The following AHDC1 variants were observed in gnomAD, a reference collection of about 807,000 sequenced individuals.
The protein encoded by AHDC1 is transcription factor Gibbin.
Under a neutral mutation model 87.9 loss-of-function variants are expected in AHDC1, and 7 were observed. That is an observed-to-expected ratio of 0.08 (90% confidence interval 0.05 to 0.15). The LOEUF is 0.15. Among genes scored for constraint, AHDC1 ranks in the 10% least tolerant of loss-of-function variants. The probability of loss-of-function intolerance (pLI) is 1.00; values close to 1 mark genes in which losing one functional copy is unlikely to be tolerated. For missense variants in AHDC1, 1,841 were observed against 2,253.2 expected (o/e 0.82, Z 3.70); for synonymous variants, 1,051 against 1,006.8 (o/e 1.04, Z -0.83).
intron 3 of AHDC1, among the ~76,000 whole-genome samples, chr1:27,601,976 A>G (rs376645558): frequency 1.3e-5 from 2 of 152,028 alleles, no homozygotes; most frequent in Non-Finnish European, 2.9e-5. Context: ...CCTGACACCA[A>G]CTGGTCCGGC....
chr1:27,549,161 C>T lies in AHDC1; in HGVS notation c.2955G>A (p.Lys985=). Residue 985 remains lysine (K), a synonymous_variant, in exon 8 of 9, where the codon AAG becomes AAA. Coordinates refer to ENST00000673934, the MANE Select transcript of AHDC1 (RefSeq NM_001371928.1). ...GAGQSVFAPT[K]PFTGQDCANS... ...TAGCGCAGTCCTGGCCTGTAAAGGG[C>T]TTAGTTGGGGCGAATACGCTTTGTC... 6.4e-7 allele frequency: 1 copy of T among 1,569,574 alleles called. No homozygotes were observed. The highest frequency in any genetic ancestry group is 1.3e-5 in the African/African-American group (1 of 74,286).
At chr1:27,594,424 C>A (rs1020501575) in intron 3 of AHDC1, among the ~76,000 whole-genome samples, 4 of 152,196 alleles carry the variant, frequency 2.6e-5, no homozygotes, top group African/African-American at 7.2e-5. Flanking sequence ...CATGCCAGAG[C>A]CAGGGCAGGG....
chr1:27,555,111 G>A (rs1212059652), intron 5 of AHDC1, among the ~76,000 whole-genome samples: 1 of 152,216 alleles, frequency 6.6e-6, no homozygotes, highest in Non-Finnish European at 1.5e-5. Flanking sequence ...ATTTAAGGCT[G>A]GGAGGAACCT....
Position 27,548,763 on chromosome 1 carries a change from T to G in AHDC1, c.3353A>C (p.Asp1118Ala). Residue 1118 changes from aspartate to alanine, a missense_variant, in exon 8 of 9, where the codon GAC becomes GCC. Around this residue, in one of 13 missense-constraint regions of AHDC1, gnomAD observed 378 missense variants for 399.0 expected, o/e 0.95. Coordinates refer to ENST00000673934, the MANE Select transcript of AHDC1 (RefSeq NM_001371928.1). ...WPFRQGYGGL[D>A]WASEAFSQLY... ...CTGACTAAAGGCCTCTGAGGCCCAGTCCAGGCCTCCATAGCCCTGCCGGAA... is the reference window on the plus strand; with the variant it reads ...CTGACTAAAGGCCTCTGAGGCCCAGGCCAGGCCTCCATAGCCCTGCCGGAA... 1.2e-6 allele frequency: 2 copies of G among 1,613,116 alleles called. No individual in the cohort carries two copies. Among genetic ancestry groups the G allele is most frequent in the Non-Finnish European group, 1.7e-6 (2 of 1,180,022 alleles).
intron 3 of AHDC1, among the ~76,000 whole-genome samples, chr1:27,576,840 CT>C (rs2088766838): frequency 6.6e-6 from 1 of 152,196 alleles, no homozygotes; most frequent in Non-Finnish European, 1.5e-5. Flanking sequence ...GTGGAGGCTG[CT>C]TTTGGGCATG....
chr1:27,580,925 C>T lies in AHDC1; in HGVS notation c.-628-22042G>A, dbSNP rs186557649. Among the ~76,000 whole-genome samples the T allele has an allele frequency of 8.5e-3, 1,288 of 152,140 alleles. 56 individuals carry two copies. The highest frequency in any genetic ancestry group is 0.071 in the Admixed American group (1,082 of 15,278). On this transcript the variant is annotated intron_variant, in intron 3 of 8. Transcript: ENST00000673934. The stretch of plus-strand genomic sequence containing the variant: ...TCTCAGCTCATTGCAACCTCCGCCT[C>T]CCGGGTTCAAGCGATTCTCCTGCCT...
chr1:27,568,610 G>A (rs992397824), intron 3 of AHDC1, among the ~76,000 whole-genome samples: 1 of 152,040 alleles, frequency 6.6e-6, no homozygotes, highest in Non-Finnish European at 1.5e-5. Context: ...CGCGGGCCGG[G>A]CTCCCGGAGA....
At position 27,590,594 on chromosome 1, in the gene AHDC1, AG is replaced by A. The variant is rs889775362; in HGVS notation, c.-629+12802del. Among the ~76,000 whole-genome samples, 1 of 151,500 alleles carries A rather than the reference AG, an allele frequency of 6.6e-6. No homozygotes were observed. Among genetic ancestry groups the A allele is most frequent in the African/African-American group, 2.4e-5 (1 of 41,120 alleles). On this transcript the variant is annotated intron_variant, in intron 3 of 8. Coordinates refer to ENST00000673934, the MANE Select transcript of AHDC1 (RefSeq NM_001371928.1). This position sits in a 1 kb window ranked among gnomAD's most constrained non-coding sequence, Gnocchi z 5.4. ...GCTTCTCTCAGACTTGGGGGGTCTG[AG>A]GACAAGGCTGTGTGTCCTGCATCTG...
At chr1:27,576,599 A>T (rs1014660847) in intron 3 of AHDC1, among the ~76,000 whole-genome samples, 8 of 152,212 alleles carry the variant, frequency 5.3e-5, no homozygotes, top group African/African-American at 1.9e-4. Context: ...AAAGTCAGAA[A>T]AACTCTGGTT....
chr1:27,559,270 G>T (rs974176050), intron 3 of AHDC1, among the ~76,000 whole-genome samples: 1 of 151,672 alleles, frequency 6.6e-6, no homozygotes, highest in Non-Finnish European at 1.5e-5. Context: ...TGCCCAGGCT[G>T]GTCTCGAACT....
chr1:27,594,035 C>G (rs1178720506), intron 3 of AHDC1, among the ~76,000 whole-genome samples: 4 of 152,142 alleles, frequency 2.6e-5, no homozygotes, highest in Admixed American at 6.5e-5. Flanking sequence ...CCAGAGCCCC[C>G]CTATCTCCCC....
chr1:27,599,584 G>A (rs2089474917), intron 3 of AHDC1, among the ~76,000 whole-genome samples: 1 of 152,196 alleles, frequency 6.6e-6, no homozygotes, highest in Admixed American at 6.5e-5. Context: ...CTGAGCAAGT[G>A]GCTCCTCTCC....
Position 27,560,197 on chromosome 1 carries a change from G to T in AHDC1, c.-628-1314C>A, listed in dbSNP as rs928287822. ...GCACTTTTCACGTTTATTTCTATTC[G>T]TTTTGTGTGTGTGTGTGTGTGTGTG... On this transcript the variant is annotated intron_variant, in intron 3 of 8. Coordinates refer to ENST00000673934, the MANE Select transcript of AHDC1 (RefSeq NM_001371928.1). This position sits in a 1 kb window ranked among gnomAD's most constrained non-coding sequence, Gnocchi z 4.1. Among the ~76,000 whole-genome samples, 1 of 66,884 alleles carries T rather than the reference G, an allele frequency of 1.5e-5. No individual in the cohort carries two copies. Among genetic ancestry groups the T allele is most frequent in the African/African-American group, 4.9e-5 (1 of 20,582 alleles). 43.9% of individuals were successfully genotyped at this position (66,884 alleles called of 152,430 possible). A position where few individuals can be genotyped will look rare whatever the true frequency, so the allele number is the denominator to read the frequency against.
At position 27,548,743 on chromosome 1, in the gene AHDC1, T is replaced by G; in HGVS notation, c.3373A>C (p.Ser1125Arg). ...GGLDWASEAF[S>R]QLYNPSFDCH... ...TCAAAACTGGGATTGTAGAGCTGAC[T>G]AAAGGCCTCTGAGGCCCAGTCCAGG... Residue 1125 changes from serine (S) to arginine (R), a missense_variant, in exon 8 of 9, where the codon AGT (serine) becomes CGT (arginine). Ser to Arg is a moderately radical substitution (Grantham distance 110). Around this residue, in one of 13 missense-constraint regions of AHDC1, gnomAD observed 378 missense variants for 399.0 expected, o/e 0.95. Coordinates refer to ENST00000673934, the MANE Select transcript of AHDC1 (RefSeq NM_001371928.1). 6.2e-7 allele frequency: 1 copy of G among 1,613,232 alleles called. No homozygotes were observed. The highest frequency in any genetic ancestry group is 8.5e-7 in the Non-Finnish European group (1 of 1,180,036).
chr1:27,548,095 A>C lies in AHDC1; in HGVS notation c.4021T>G (p.Cys1341Gly), dbSNP rs111941243. The C allele has an allele frequency of 3.2e-4, 524 of 1,613,924 alleles. 5 individuals carry two copies. The African/African-American group carries it at 5.5e-3, about 17-fold the overall frequency. ...RAFGVGERDPCDFIGPYSMNP... is the reference protein window; with the variant it reads ...RAFGVGERDPGDFIGPYSMNP... ...ATGGAGTAGGGTCCTATGAAGTCAC[A>C]GGGGTCTCGCTCTCCCACGCCGAAG... The change falls in exon 8 of 9, where the codon TGT (cysteine) becomes GGT (glycine). Residue 1341 changes from cysteine to glycine, a missense_variant. By Grantham distance (159) the Cys-to-Gly change is radical. Coordinates refer to ENST00000673934, the MANE Select transcript of AHDC1 (RefSeq NM_001371928.1).
At position 27,549,279 on chromosome 1, in the gene AHDC1, T is replaced by C. The variant is rs2019380749; in HGVS notation, c.2837A>G (p.Lys946Arg). The change falls in exon 8 of 9, where the codon AAG becomes AGG. Residue 946 changes from lysine (K) to arginine (R), a missense_variant. Physicochemically the swap from Lys to Arg is conservative, Grantham distance 26 (BLOSUM62 2). Transcript: ENST00000673934. ...CATGGCTGAGGGCGGGGGCACCAGCTTGGGGAAGGTCTCGGCTGCCCGGCA... is the reference window on the plus strand; with the variant it reads ...CATGGCTGAGGGCGGGGGCACCAGCCTGGGGAAGGTCTCGGCTGCCCGGCA... ...SDCRAAETFP[K>R]LVPPPSAMAR... 1 of 1,603,470 alleles carries C rather than the reference T, an allele frequency of 6.2e-7. No homozygotes were observed. The highest frequency in any genetic ancestry group is 8.5e-7 in the Non-Finnish European group (1 of 1,172,834).
In AHDC1 at chr1:27,565,009, C is replaced by T. The variant is rs2020257483; in HGVS notation, c.-628-6126G>A. Among the ~76,000 whole-genome samples, 1 of 152,168 alleles carries T rather than the reference C, an allele frequency of 6.6e-6. No homozygotes were observed. Among genetic ancestry groups the T allele is most frequent in the Non-Finnish European group, 1.5e-5 (1 of 68,012 alleles). Reference sequence around the variant, plus strand: ...CACGGACAGCCTCAGAGCAGAGTCCCCCTAGCCCCTGGGGGTGGCTGGAGC... The same window carrying T: ...CACGGACAGCCTCAGAGCAGAGTCCTCCTAGCCCCTGGGGGTGGCTGGAGC... On this transcript the variant is annotated intron_variant, in intron 3 of 8. Coordinates refer to ENST00000673934, the MANE Select transcript of AHDC1 (RefSeq NM_001371928.1). The surrounding 1 kb of genome is among the most constrained non-coding windows in gnomAD (Gnocchi z 4.6).
At chr1:27,545,070 G>A (rs960260349) in intron 8 of AHDC1, among the ~76,000 whole-genome samples, 13 of 151,574 alleles carry the variant, frequency 8.6e-5, no homozygotes, top group Non-Finnish European at 5.9e-5. Flanking sequence ...CCCCCTCCCC[G>A]CCAGCTGTTC....
intron 3 of AHDC1, among the ~76,000 whole-genome samples, chr1:27,573,354 T>C (rs574419553): frequency 1.4e-5 from 2 of 147,906 alleles, no homozygotes; most frequent in Non-Finnish European, 2.9e-5. Context: ...GAACTCCTGG[T>C]TGCCCTTTTC....
Sources: allele counts gnomAD v4.1 joint callset (sites outside exome capture counted in the v4.1 genomes callset), GRCh38; gene constraint gnomAD v4.1.1; regional missense constraint gnomAD v4.1.1; non-coding constraint Gnocchi (gnomAD v3.1); transcripts MANE v1.5; gene names NCBI Gene and HGNC (gene_info 2026-07-23, HGNC 2026-07-21).